The following IPMK variants were observed in gnomAD, a reference collection of about 807,000 sequenced individuals.
The protein encoded by IPMK is inositol polyphosphate multikinase.
IPMK carries 17 observed loss-of-function variants against 45.8 expected under a neutral mutation model. The ratio of observed to expected loss-of-function variants is 0.37; its 90% confidence interval spans 0.25 to 0.56. IPMK has a LOEUF of 0.56. Among genes scored for constraint, IPMK ranks in the 20% least tolerant of loss-of-function variants. IPMK has a pLI of 0.79. For synonymous variants in IPMK, 180 were observed against 184.3 expected (o/e 0.98, Z 0.19); for missense variants, 399 against 498.0 (o/e 0.80, Z 1.89).
rs11006080 is a variant in IPMK, at chr10:58,210,864, C to T, written c.546+5281G>A. Among the ~76,000 whole-genome samples the T allele has an allele frequency of 9.1e-3, 1,386 of 152,238 alleles. 15 individuals carry two copies. The highest frequency in any genetic ancestry group is 0.033 in the South Asian group (157 of 4,828). On this transcript the variant is annotated intron_variant, in intron 4 of 5. Coordinates refer to ENST00000373935, the MANE Select transcript of IPMK (RefSeq NM_152230.5). Reference sequence around the variant, plus strand: ...AAGATCTGTGAATTCGTTTGGTTTTCCTGGTACTTTCCTGTGGTGGTTTTT... The same window carrying T: ...AAGATCTGTGAATTCGTTTGGTTTTTCTGGTACTTTCCTGTGGTGGTTTTT...
chr10:58,224,103 A>G lies in IPMK; in HGVS notation c.373+2940T>C, dbSNP rs574969207. 1.8e-4 allele frequency among the ~76,000 whole-genome samples: 27 copies of G among 152,324 alleles called. 1 individual carries two copies. The South Asian group carries it at 5.0e-3, about 28-fold the overall frequency. ...ATACAAGTTGAAAGCAGAAAGAATA[A>G]TAAGTAGAGACCTTGGGTCCCCAGA... On this transcript the variant is annotated intron_variant, in intron 3 of 5. Transcript: ENST00000373935.
At chr10:58,228,847 T>C (rs1838462272) in intron 2 of IPMK, among the ~76,000 whole-genome samples, 1 of 152,220 alleles carries the variant, frequency 6.6e-6, no homozygotes, top group South Asian at 2.1e-4. Flanking sequence ...ACAAATATTT[T>C]CTTAAATGCA....
rs982136765 is a variant in IPMK at position 58,246,142 on chromosome 10, G to T, written c.191-8328C>A. On this transcript the variant is annotated intron_variant, in intron 1 of 5. Coordinates refer to ENST00000373935, the MANE Select transcript of IPMK (RefSeq NM_152230.5). ...AGGAGAACTACAAACCACTGCTCAA[G>T]GAAATAAAAGAGGATACAAACAAAT... Among the ~76,000 whole-genome samples, 11 of 132,626 alleles carry T rather than the reference G, an allele frequency of 8.3e-5. No individual in the cohort carries two copies. The East Asian group carries it at 2.2e-3, about 26-fold the overall frequency. The allele number at this position is 132,626 out of a possible 152,430, so 87.0% of individuals were successfully genotyped here. A position where few individuals can be genotyped will look rare whatever the true frequency, so the allele number is the denominator to read the frequency against.
At chr10:58,221,932 A>G (rs1260096998) in intron 3 of IPMK, among the ~76,000 whole-genome samples, 1 of 152,086 alleles carries the variant, frequency 6.6e-6, no homozygotes, top group Non-Finnish European at 1.5e-5. Context: ...TATTTTTAGT[A>G]GAGACAGGGT....
intron 2 of IPMK, among the ~76,000 whole-genome samples, chr10:58,232,107 C>T (rs923932251): frequency 6.6e-6 from 1 of 152,062 alleles, no homozygotes; most frequent in Non-Finnish European, 1.5e-5. Flanking sequence ...GTAAAGGGAT[C>T]ACTCAATTCA....
intron 1 of IPMK, among the ~76,000 whole-genome samples, chr10:58,260,969 T>A (rs896110957): frequency 1.3e-5 from 2 of 151,890 alleles, no homozygotes; most frequent in African/African-American, 4.8e-5. Context: ...AAGACAATCT[T>A]GAAATAGTAA....
At chr10:58,261,897 G>A (rs547702413) in intron 1 of IPMK, among the ~76,000 whole-genome samples, 7 of 152,278 alleles carry the variant, frequency 4.6e-5, no homozygotes, top group African/African-American at 1.7e-4. Flanking sequence ...TATACCCTCA[G>A]TATAAGAAAA....
chr10:58,203,938 T>C (rs1372700209), intron 4 of IPMK, among the ~76,000 whole-genome samples: 1 of 152,212 alleles, frequency 6.6e-6, no homozygotes, highest in Non-Finnish European at 1.5e-5. Flanking sequence ...GCCACCACCC[T>C]GATCAATCAG....
At position 58,199,312 on chromosome 10, in the gene IPMK, C is replaced by A; in HGVS notation, c.556G>T (p.Val186Phe). Reference sequence around the variant, plus strand: ...TCTGTCTCATAGCTATCGGAATGAACATGATAAACCTGTCAAAAAAAGCAG... The same window carrying A: ...TCTGTCTCATAGCTATCGGAATGAAAATGATAAACCTGTCAAAAAAAGCAG... ...FLVLGMRVYH[V>F]HSDSYETENQ... Residue 186 changes from valine to phenylalanine, a missense_variant, in exon 5 of 6, where the codon GTT (valine) becomes TTT (phenylalanine). Around this residue, in one of 2 missense-constraint regions of IPMK, gnomAD observed 288 missense variants for 398.0 expected, o/e 0.72. Transcript: ENST00000373935. 1 of 1,601,416 alleles carries A rather than the reference C, an allele frequency of 6.2e-7. No individual in the cohort carries two copies. Among genetic ancestry groups the A allele is most frequent in the South Asian group, 1.1e-5 (1 of 88,988 alleles).
At position 58,232,439 on chromosome 10, in the gene IPMK, T is replaced by C. The variant is rs564217709; in HGVS notation, c.276+5290A>G. On this transcript the variant is annotated intron_variant, in intron 2 of 5. Coordinates refer to ENST00000373935, the MANE Select transcript of IPMK (RefSeq NM_152230.5). ...GACCACATAATTGGAAGTAAAGCAC[T>C]CCTTAGCAAACGTAAAAGAACAGAA... 1.8e-4 allele frequency among the ~76,000 whole-genome samples: 27 copies of C among 152,284 alleles called. No homozygotes were observed. In the South Asian group the frequency reaches 5.2e-3, roughly 29 times the overall value.
At chr10:58,202,610 A>G (rs1290256036) in intron 4 of IPMK, among the ~76,000 whole-genome samples, 2 of 152,168 alleles carry the variant, frequency 1.3e-5, no homozygotes, top group East Asian at 3.8e-4. Context: ...GGCTGCAGTG[A>G]GCTATGATTA....
chr10:58,256,304 G>A (rs1564540924), intron 1 of IPMK, among the ~76,000 whole-genome samples: 1 of 152,142 alleles, frequency 6.6e-6, no homozygotes, highest in African/African-American at 2.4e-5. Context: ...TCTCTAAAAT[G>A]GCCCTCTGGA....
At chr10:58,214,946 C>CT (rs1412968674) in intron 4 of IPMK, among the ~76,000 whole-genome samples, 2 of 152,166 alleles carry the variant, frequency 1.3e-5, no homozygotes, top group Admixed American at 6.5e-5. Flanking sequence ...GAGGTGGAGT[C>CT]TGTTTTCTCG....
At chr10:58,216,403 C>A in intron 3 of IPMK, 86 bp from the exon 4 acceptor site, 2 of 560,240 alleles carry the variant, frequency 3.6e-6, no homozygotes, top group Non-Finnish European at 5.6e-6. Context: ...ATGAGAAAAT[C>A]CTAAAACAGA....
chr10:58,252,058 T>C (rs1838888053), intron 1 of IPMK, among the ~76,000 whole-genome samples: 1 of 152,230 alleles, frequency 6.6e-6, no homozygotes, highest in African/African-American at 2.4e-5. Flanking sequence ...TCTTCCTTTT[T>C]TCCACTTACT....
chr10:58,260,665 AAACTT>A (rs1839050697), intron 1 of IPMK, among the ~76,000 whole-genome samples: 1 of 152,214 alleles, frequency 6.6e-6, no homozygotes, highest in Non-Finnish European at 1.5e-5. Context: ...TTTCAAAAAA[AAACTT>A]AAGGCAGTAC....
chr10:58,204,064 TA>T (rs112226583), intron 4 of IPMK, among the ~76,000 whole-genome samples: 51,453 of 151,894 alleles, frequency 0.34, 10,952 homozygotes, highest in African/African-American at 0.61. Context: ...CACTGTTTTT[TA>T]AAAAAACATA....
chr10:58,205,517 G>T (rs1838058195), intron 4 of IPMK, among the ~76,000 whole-genome samples: 2 of 152,134 alleles, frequency 1.3e-5, no homozygotes, highest in African/African-American at 2.4e-5. Context: ...AGGAACAAAG[G>T]TTTCAAGAAT....
intron 1 of IPMK, among the ~76,000 whole-genome samples, chr10:58,245,527 G>A (rs980667577): frequency 9.4e-5 from 14 of 149,660 alleles, no homozygotes; most frequent in African/African-American, 3.3e-4. Flanking sequence ...TAGGACAATC[G>A]CTTGAACACA....
Sources: gnomAD v4.1 joint callset for allele counts (sites outside exome capture counted in the v4.1 genomes callset) on GRCh38, gnomAD v4.1.1 for gene constraint, gnomAD v4.1.1 regional missense constraint, MANE v1.5 for transcripts, NCBI Gene and HGNC (gene_info 2026-07-23, HGNC 2026-07-21) for gene names.